PLOD2: variants seen among roughly 807,000 people sequenced by gnomAD.
PLOD2 encodes the protein procollagen-lysine,2-oxoglutarate 5-dioxygenase 2, also known as lysine hydroxylase 2.
A neutral mutation model predicts 101.0 loss-of-function variants in PLOD2; 65 were observed. That is an observed-to-expected ratio of 0.64 (90% CI 0.53 to 0.79). The LOEUF (loss-of-function observed/expected upper bound fraction) is 0.79, where lower values mean the gene tolerates loss of function less well. PLOD2 is among the 30% of genes least tolerant of loss of function. The pLI is 0.00. For synonymous variants in PLOD2, 314 were observed against 302.9 expected (o/e 1.04, Z -0.38); for missense variants, 909 against 914.6 (o/e 0.99, Z 0.08).
At chr3:146,139,230 G>A (rs1357752256) in intron 1 of PLOD2, among the ~76,000 whole-genome samples, 1 of 152,166 alleles carries the variant, frequency 6.6e-6, no homozygotes, top group African/African-American at 2.4e-5. Context: ...AAAGAGCAGT[G>A]AAGAAGGATT....
chr3:146,151,938 T>C (rs2032076635), intron 1 of PLOD2, among the ~76,000 whole-genome samples: 1 of 152,236 alleles, frequency 6.6e-6, no homozygotes, highest in South Asian at 2.1e-4. Context: ...TACATTTGCA[T>C]CTAAAAATTT....
intron 1 of PLOD2, among the ~76,000 whole-genome samples, chr3:146,129,249 A>G: frequency 6.6e-6 from 1 of 152,128 alleles, no homozygotes; most frequent in East Asian, 1.9e-4. Flanking sequence ...AATAGTAAAT[A>G]TTTCAGGCCT....
intron 11 of PLOD2, 63 bp downstream of exon 11, chr3:146,085,106 G>A (rs932595666): frequency 1.3e-6 from 1 of 795,930 alleles, no homozygotes; most frequent in Non-Finnish European, 2.2e-6. Context: ...ACTACAGTAT[G>A]TTCACATCAA....
intron 11 of PLOD2, among the ~76,000 whole-genome samples, chr3:146,083,567 A>C (rs913107764): frequency 4.1e-4 from 48 of 116,814 alleles, no homozygotes; most frequent in African/African-American, 1.4e-3. Flanking sequence ...GATGGCAGGT[A>C]AGTCTTTTTC....
intron 4 of PLOD2, among the ~76,000 whole-genome samples, chr3:146,108,879 T>A (rs1937580052): frequency 6.6e-6 from 1 of 152,096 alleles, no homozygotes; most frequent in Non-Finnish European, 1.5e-5. Context: ...TGTCTCAGAG[T>A]CCCATGGCTA....
intron 8 of PLOD2, 100 bp downstream of exon 8, chr3:146,091,700 C>A (rs1176341910): frequency 2.8e-6 from 2 of 720,304 alleles, no homozygotes; most frequent in African/African-American, 3.5e-5. Flanking sequence ...ATCATAAAAT[C>A]AAAACTATAA....
chr3:146,148,960 C>T (rs1446646921), intron 1 of PLOD2, among the ~76,000 whole-genome samples: 1 of 152,168 alleles, frequency 6.6e-6, no homozygotes, highest in East Asian at 1.9e-4. Context: ...GCTACAACCA[C>T]AATAAGCATA....
chr3:146,129,807 G>A (rs760861369), intron 1 of PLOD2, among the ~76,000 whole-genome samples: 22 of 152,120 alleles, frequency 1.4e-4, no homozygotes, highest in Non-Finnish European at 2.4e-4. Flanking sequence ...AGTAACTCTA[G>A]ATACGCCTTC....
In PLOD2 at chr3:146,161,045, C is replaced by T. The variant is rs2032557451; in HGVS notation, c.-56G>A. 1 of 1,267,592 alleles carries T rather than the reference C, an allele frequency of 7.9e-7. No homozygotes were observed. The highest frequency in any genetic ancestry group is 1.1e-6 in the Non-Finnish European group (1 of 893,176). 78.5% of individuals were successfully genotyped at this position (1,267,592 alleles called of 1,614,324 possible). A position where few individuals can be genotyped will look rare whatever the true frequency, so the allele number is the denominator to read the frequency against. ...GCGCCCACGGCCCCGCAGCGCCGCG[C>T]TTCTCGCGAGAACGCAGAGACCCGG... On this transcript the variant is annotated 5_prime_UTR_variant, in exon 1 of 20. Transcript: ENST00000282903.
intron 11 of PLOD2, among the ~76,000 whole-genome samples, chr3:146,083,964 T>A (rs1260340943): frequency 6.6e-6 from 1 of 151,914 alleles, no homozygotes; most frequent in East Asian, 1.9e-4. Context: ...ATTCATTAAA[T>A]AGTTCACTAA....
Position 146,088,409 on chromosome 3 carries a change from G to T in PLOD2, c.1005+177C>A, listed in dbSNP as rs547347652. On this transcript the variant is annotated intron_variant, in intron 9 of 19. Transcript: ENST00000282903. ...GTTTCATGTGGCTCATATCAATATT[G>T]TGGTGCTAGTCTCTAGAATCTAAAA... Among the ~76,000 whole-genome samples the T allele has an allele frequency of 2.0e-5, 3 of 151,612 alleles. No homozygotes were observed. In the South Asian group the frequency reaches 6.2e-4, roughly 31 times the overall value.
intron 1 of PLOD2, among the ~76,000 whole-genome samples, chr3:146,159,513 T>C (rs1251790644): frequency 6.6e-6 from 1 of 152,218 alleles, no homozygotes; most frequent in Non-Finnish European, 1.5e-5. Flanking sequence ...TAAAGTCTCC[T>C]TGGGTGTTTC....
intron 3 of PLOD2, among the ~76,000 whole-genome samples, chr3:146,114,029 A>T (rs1410001478): frequency 1.3e-5 from 2 of 151,990 alleles, no homozygotes; most frequent in African/African-American, 4.8e-5. Flanking sequence ...TAAGGGATGA[A>T]ATAGCCCCAG....
intron 4 of PLOD2, among the ~76,000 whole-genome samples, chr3:146,107,487 G>A (rs1278035012): frequency 6.6e-6 from 1 of 151,868 alleles, no homozygotes; most frequent in Admixed American, 6.6e-5. Flanking sequence ...TTTTTTAACT[G>A]TCAAAATTAA....
At chr3:146,072,770 G>T in intron 16 of PLOD2, 105 bp from the exon 17 acceptor site, 1 of 735,588 alleles carries the variant, frequency 1.4e-6, no homozygotes, top group Non-Finnish European at 2.4e-6. Flanking sequence ...GTATGACTAG[G>T]AAACATAGTT....
intron 12 of PLOD2, among the ~76,000 whole-genome samples, chr3:146,079,806 T>TATG (rs1224743020): frequency 6.6e-6 from 1 of 152,010 alleles, no homozygotes; most frequent in Non-Finnish European, 1.5e-5. Context: ...TTGTTACACA[T>TATG]TTACCAAAAT....
intron 7 of PLOD2, among the ~76,000 whole-genome samples, chr3:146,099,038 A>C (rs1223586317): frequency 6.6e-6 from 1 of 152,148 alleles, no homozygotes; most frequent in African/African-American, 2.4e-5. Flanking sequence ...TATTATACCA[A>C]ATATAATATC....
intron 15 of PLOD2, among the ~76,000 whole-genome samples, chr3:146,075,755 G>A (rs925605415): frequency 2.0e-5 from 3 of 151,478 alleles, no homozygotes; most frequent in African/African-American, 7.3e-5. Flanking sequence ...AAAACTGGAT[G>A]GTGCTTTTGA....
intron 2 of PLOD2, chr3:146,123,377 G>A (rs2030316938): frequency 1.9e-6 from 1 of 521,828 alleles, no homozygotes; most frequent in African/African-American, 2.1e-5. Context: ...TCATAGCTGA[G>A]TTTAATAGTT....
Sources: gnomAD v4.1 joint callset for allele counts (sites outside exome capture counted in the v4.1 genomes callset) on GRCh38, gnomAD v4.1.1 for gene constraint, MANE v1.5 for transcripts, NCBI Gene and HGNC (gene_info 2026-07-23, HGNC 2026-07-21) for gene names.